TNFSF8: variants seen among roughly 807,000 people sequenced by gnomAD.
TNFSF8 encodes tumor necrosis factor ligand superfamily member 8.
A neutral mutation model predicts 22.0 loss-of-function variants in TNFSF8; 4 were observed. The ratio of observed to expected loss-of-function variants is 0.18; its 90% CI spans 0.09 to 0.42. The LOEUF (loss-of-function observed/expected upper bound fraction) is 0.42, where lower values mean the gene tolerates loss of function less well. Among genes scored for constraint, TNFSF8 ranks in the 10% least tolerant of loss-of-function variants. TNFSF8 has a pLI of 1.00. For synonymous variants in TNFSF8, 106 were observed against 112.5 expected, an observed-to-expected ratio of 0.94 and a Z score of 0.37; for missense variants, 233 against 281.8, an observed-to-expected ratio of 0.83 and a Z score of 1.24.
In TNFSF8 at chr9:114,904,080, C is replaced by T. The variant is rs145748228; in HGVS notation, c.556G>A (p.Val186Ile). The change falls in exon 4 of 4, where the codon GTA (valine) becomes ATA (isoleucine). Residue 186 changes from valine to isoleucine, a missense_variant. By Grantham distance (29) the Val-to-Ile change is conservative. Coordinates refer to ENST00000223795, the MANE Select transcript of TNFSF8 (RefSeq NM_001244.4). ...AAGAATTGAGAGAGATTCTGGTATA[C>T]GTGTTTCGTTTGCATTCCAGACTCA... ...VCESGMQTKH[V>I]YQNLSQFLLD... 156 of 1,614,016 alleles carry T rather than the reference C, an allele frequency of 9.7e-5. No individual in the cohort carries two copies. The highest frequency in any genetic ancestry group is 1.3e-4 in the Non-Finnish European group (150 of 1,179,994).
chr9:114,905,723 C>A, intron 3 of TNFSF8, 105 bp downstream of exon 3: 1 of 865,586 alleles, frequency 1.2e-6, no homozygotes, highest in South Asian at 1.4e-5. Context: ...ATCTGCAGGT[C>A]ACATTTGGCC....
At chr9:114,896,795 T>A (rs1186175901), downstream of TNFSF8, among the ~76,000 whole-genome samples, 2 of 152,124 alleles carry the variant, frequency 1.3e-5, no homozygotes, top group East Asian at 1.9e-4. Flanking sequence ...AAAGATTTAT[T>A]TTTTTTTCCT....
In TNFSF8 at chr9:114,901,585, G is replaced by A. The variant is rs1337293065; in HGVS notation, c.*2346C>T. The A allele has an allele frequency of 1.0e-6, 1 of 985,194 alleles. No homozygotes were observed. Among genetic ancestry groups the A allele is most frequent in the Non-Finnish European group, 1.2e-6 (1 of 829,826 alleles). 61.0% of individuals were successfully genotyped at this position (985,194 alleles called of 1,614,324 possible). ...TACCTTTTCAAGAATGCATGAGTTGGTTTAAGCAAGATTCATTTGTCCTAT... is the reference window on the plus strand; with the variant it reads ...TACCTTTTCAAGAATGCATGAGTTGATTTAAGCAAGATTCATTTGTCCTAT... On this transcript the variant is annotated 3_prime_UTR_variant, in exon 4 of 4. Transcript: ENST00000223795.
intron 1 of TNFSF8, 132 bp downstream of exon 1, chr9:114,929,977 T>TATATAG (rs146785310): frequency 2.9e-4 from 93 of 324,416 alleles, no homozygotes; most frequent in Admixed American, 4.7e-4. Flanking sequence ...TATATATATA[T>TATATAG]AGAGAGAGAG....
At position 114,901,925 on chromosome 9, in the gene TNFSF8, C is replaced by CT. The variant is rs1827720869; in HGVS notation, c.*2005dup. On this transcript the variant is annotated 3_prime_UTR_variant, in exon 4 of 4. Coordinates refer to ENST00000223795, the MANE Select transcript of TNFSF8 (RefSeq NM_001244.4). The stretch of plus-strand genomic sequence containing the variant: ...TACCACCACTGCTGATTTGTTCTTT[C>CT]TTTTTTTCTTTTAAATCTTTTCTAG... 2.0e-6 allele frequency: 2 copies of CT among 981,782 alleles called. No individual in the cohort carries two copies. Among genetic ancestry groups the CT allele is most frequent in the Non-Finnish European group, 2.4e-6 (2 of 826,656 alleles). The allele number at this position is 981,782 out of a possible 1,614,324, so 60.8% of individuals were successfully genotyped here. A position where few individuals can be genotyped will look rare whatever the true frequency, so the allele number is the denominator to read the frequency against.
Position 114,903,949 on chromosome 9 carries a change from T to A in TNFSF8, c.687A>T (p.Leu229Phe). 1.2e-6 allele frequency: 2 copies of A among 1,612,742 alleles called. No individual in the cohort carries two copies. The highest frequency in any genetic ancestry group is 1.7e-6 in the Non-Finnish European group (2 of 1,179,128). ...FPLENVLSIF[L>F]YSNSD is the part of the protein sequence containing the mutation. ...AAACTGTTCAGTCTGAATTACTGTA[T>A]AAGAAGATGGACAACACATTCTCAA... The change falls in exon 4 of 4, where the codon TTA becomes TTT. Residue 229 changes from leucine (L) to phenylalanine (F), a missense_variant. By Grantham distance (22) the Leu-to-Phe change is conservative. Transcript: ENST00000223795.
intron 4 of TNFSF8, chr9:114,894,207 A>AGATG: frequency 2.7e-6 from 4 of 1,476,772 alleles, no homozygotes; most frequent in Non-Finnish European, 3.7e-6. Context: ...TCGGCAGGAG[A>AGATG]GATGTGATAC....
chr9:114,900,636 C>T (rs893578389), downstream of TNFSF8, among the ~76,000 whole-genome samples: 1 of 152,106 alleles, frequency 6.6e-6, no homozygotes, highest in African/African-American at 2.4e-5. Flanking sequence ...ATGTGAGACA[C>T]AGGTGGTCTC....
chr9:114,905,104 G>C (rs1472134456), intron 3 of TNFSF8, among the ~76,000 whole-genome samples: 1 of 152,184 alleles, frequency 6.6e-6, no homozygotes, highest in Admixed American at 6.5e-5. Flanking sequence ...GACTGGTAAG[G>C]GTGACTTTCA....
intron 2 of TNFSF8, among the ~76,000 whole-genome samples, chr9:114,910,045 A>G (rs1461899853): frequency 6.6e-6 from 1 of 152,160 alleles, no homozygotes; most frequent in Non-Finnish European, 1.5e-5. Flanking sequence ...TCTATCTTTC[A>G]GACAACCCTA....
At chr9:114,928,144 A>G (rs551758674) in intron 1 of TNFSF8, among the ~76,000 whole-genome samples, 1 of 152,178 alleles carries the variant, frequency 6.6e-6, no homozygotes, top group Non-Finnish European at 1.5e-5. Flanking sequence ...ACCGCACTGT[A>G]CAATCAGATT....
At chr9:114,913,469 G>A (rs1827877127) in intron 2 of TNFSF8, among the ~76,000 whole-genome samples, 1 of 152,144 alleles carries the variant, frequency 6.6e-6, no homozygotes, top group South Asian at 2.1e-4. Context: ...CTGTGACCCT[G>A]AGCTTGGTAA....
chr9:114,913,435 A>G (rs562007394), intron 2 of TNFSF8, among the ~76,000 whole-genome samples: 1 of 152,204 alleles, frequency 6.6e-6, no homozygotes. Context: ...ACTTCACCTC[A>G]TTCAAACCCA....
intron 2 of TNFSF8, among the ~76,000 whole-genome samples, chr9:114,910,427 A>G (rs1017312052): frequency 6.6e-6 from 1 of 152,012 alleles, no homozygotes; most frequent in South Asian, 2.1e-4. Context: ...CTGGCCCAAG[A>G]CTCCACAGTA....
At chr9:114,906,738 A>G (rs1827790126) in intron 2 of TNFSF8, among the ~76,000 whole-genome samples, 1 of 152,214 alleles carries the variant, frequency 6.6e-6, no homozygotes, top group African/African-American at 2.4e-5. Context: ...TTTTTCATAT[A>G]TTCACTAGTG....
intron 1 of TNFSF8, among the ~76,000 whole-genome samples, chr9:114,929,260 T>C (rs1828104830): frequency 6.6e-6 from 1 of 152,166 alleles, no homozygotes; most frequent in African/African-American, 2.4e-5. Flanking sequence ...AGTCTGACCC[T>C]GTACAGTGTG....
In TNFSF8 at chr9:114,930,118, A is replaced by C. The variant is rs573372085; in HGVS notation, c.186T>G (p.Val62=). Residue 62 remains valine (V), a synonymous_variant, in exon 1 of 4, where the codon GTT becomes GTG. Transcript: ENST00000223795. ...FTVATIMVLV[V]QRTDSIPNSP... ...AGAGGAGTCCACTTACCGTCCTCTGAACGACCAACACCATAATAGTGGCCA... is the reference window on the plus strand; with the variant it reads ...AGAGGAGTCCACTTACCGTCCTCTGCACGACCAACACCATAATAGTGGCCA... 1 of 1,495,976 alleles carries C rather than the reference A, an allele frequency of 6.7e-7. No individual in the cohort carries two copies. Among genetic ancestry groups the C allele is most frequent in the East Asian group, 2.7e-5 (1 of 37,694 alleles). 92.7% of individuals were successfully genotyped at this position (1,495,976 alleles called of 1,614,324 possible). A position where few individuals can be genotyped will look rare whatever the true frequency, so the allele number is the denominator to read the frequency against.
chr9:114,921,634 G>A lies in TNFSF8; in HGVS notation c.196-3496C>T, dbSNP rs1434590552. 2.0e-5 allele frequency among the ~76,000 whole-genome samples: 3 copies of A among 152,306 alleles called. No individual in the cohort carries two copies. The East Asian group carries it at 5.8e-4, about 29-fold the overall frequency. On this transcript the variant is annotated intron_variant, in intron 1 of 3. Coordinates refer to ENST00000223795, the MANE Select transcript of TNFSF8 (RefSeq NM_001244.4). The stretch of plus-strand genomic sequence containing the variant: ...AAGTGTTGTTCACCAACTCCTCTTT[G>A]GCAAGATGTCCCCCAGTCCTAGAAT...
At chr9:114,926,854 T>C (rs1828067008) in intron 1 of TNFSF8, among the ~76,000 whole-genome samples, 1 of 151,432 alleles carries the variant, frequency 6.6e-6, no homozygotes, top group East Asian at 1.9e-4. Context: ...GATTTTTACT[T>C]TCTTTTCTCT....
Sources: gnomAD v4.1 joint callset for allele counts (sites outside exome capture counted in the v4.1 genomes callset) on GRCh38, gnomAD v4.1.1 for gene constraint, MANE v1.5 for transcripts, NCBI Gene and HGNC (gene_info 2026-07-23, HGNC 2026-07-21) for gene names.